Variants in B9D1 observed in about 807,000 individuals in gnomAD.
B9D1 encodes B9 domain-containing protein 1.
In B9D1, 20 loss-of-function variants were observed where a neutral mutation model predicts 26.1. The observed-to-expected ratio is 0.77, with a 90% CI of 0.54 to 1.12. The LOEUF (loss-of-function observed/expected upper bound fraction) is 1.12. Ranked by LOEUF, B9D1 falls within the 50% of genes most tolerant of loss-of-function variation. The probability of loss-of-function intolerance (pLI) is 0.00; values close to 1 mark genes in which losing one functional copy is unlikely to be tolerated. For synonymous variants in B9D1, 105 were observed against 103.1 expected (o/e 1.02, Z -0.11); for missense variants, 260 against 273.7 (o/e 0.95, Z 0.35).
intron 1 of B9D1, among the ~76,000 whole-genome samples, chr17:19,361,945 T>C (rs2152277853): frequency 6.6e-6 from 1 of 152,324 alleles, no homozygotes; most frequent in Admixed American, 6.5e-5. Context: ...TTGGGACATA[T>C]TGAGGACTTG....
chr17:19,360,319 C>G lies in B9D1; in HGVS notation c.132+1G>C. The G allele has an allele frequency of 1.9e-6, 3 of 1,613,904 alleles. No individual in the cohort carries two copies. Among genetic ancestry groups the G allele is most frequent in the Middle Eastern group, 1.6e-4 (1 of 6,062 alleles). Reference sequence around the variant, plus strand: ...AAGGGAGGCCCAAGAGTCCAGCTTACCGCTGTGGGGGCCCAGTCCTGGCCG... The same window carrying G: ...AAGGGAGGCCCAAGAGTCCAGCTTAGCGCTGTGGGGGCCCAGTCCTGGCCG... On this transcript the variant is annotated splice_donor_variant, in intron 2 of 6. Coordinates refer to ENST00000261499, the MANE Select transcript of B9D1 (RefSeq NM_015681.6). LOFTEE classifies it high-confidence loss of function.
chr17:19,349,532 T>G (rs758480247), intron 3 of B9D1, among the ~76,000 whole-genome samples: 1 of 151,850 alleles, frequency 6.6e-6, no homozygotes, highest in Non-Finnish European at 1.5e-5. Flanking sequence ...ACTATAGGCG[T>G]GTGCTGCCAT....
At chr17:19,375,363 A>T (rs1407141957) in intron 1 of B9D1, among the ~76,000 whole-genome samples, 1 of 152,216 alleles carries the variant, frequency 6.6e-6, no homozygotes, top group African/African-American at 2.4e-5. Flanking sequence ...ACAAATGGCC[A>T]ATAAACCGTG....
chr17:19,341,774 C>T (rs1223216461), downstream of B9D1, among the ~76,000 whole-genome samples: 1 of 152,174 alleles, frequency 6.6e-6, no homozygotes, highest in Non-Finnish European at 1.5e-5. Flanking sequence ...AGGGTGGAGA[C>T]CTTGCCAGGT....
At position 19,349,710 on chromosome 17, in the gene B9D1, GTA is replaced by G. The variant is rs1909334955; in HGVS notation, c.245-1832_245-1831del. Among the ~76,000 whole-genome samples, 4 of 152,088 alleles carry G rather than the reference GTA, an allele frequency of 2.6e-5. No individual in the cohort carries two copies. The South Asian group carries it at 8.3e-4, about 32-fold the overall frequency. On this transcript the variant is annotated intron_variant, in intron 3 of 6. Coordinates refer to ENST00000261499, the MANE Select transcript of B9D1 (RefSeq NM_015681.6). Reference sequence around the variant, plus strand: ...CCTTTTTCTTATTGATTTATAGTGTGTATATGTGTGTTTATCCTGTGACTTAT... The same window carrying G: ...CCTTTTTCTTATTGATTTATAGTGTGTATGTGTGTTTATCCTGTGACTTAT...
chr17:19,341,321 T>C (rs547707153), downstream of B9D1: 4 of 1,231,874 alleles, frequency 3.2e-6, no homozygotes, highest in South Asian at 1.6e-4. Context: ...CGGGGAGCTG[T>C]GATAGCTGTG....
chr17:19,356,683 A>G (rs1257308554), intron 3 of B9D1, among the ~76,000 whole-genome samples: 2 of 152,276 alleles, frequency 1.3e-5, no homozygotes, highest in South Asian at 2.1e-4. Flanking sequence ...AATCACCTCT[A>G]TTGAAATCAG....
At chr17:19,367,627 A>G (rs1481862754), upstream of B9D1, among the ~76,000 whole-genome samples, 1 of 152,070 alleles carries the variant, frequency 6.6e-6, no homozygotes, top group East Asian at 1.9e-4. Context: ...GCCATTTTTT[A>G]TGTGTATAAT....
rs923720138 is a variant in B9D1, at chr17:19,347,646, C to G, written c.341+138G>C. 3 of 857,418 alleles carry G rather than the reference C, an allele frequency of 3.5e-6. No homozygotes were observed. The highest frequency in any genetic ancestry group is 5.7e-6 in the Non-Finnish European group (3 of 525,886). The allele number at this position is 857,418 out of a possible 1,614,324, so 53.1% of individuals were successfully genotyped here. A position where few individuals can be genotyped will look rare whatever the true frequency, so the allele number is the denominator to read the frequency against. On this transcript the variant is annotated intron_variant, in intron 4 of 6. Transcript: ENST00000261499. The surrounding 1 kb of genome is among the most constrained non-coding windows in gnomAD (Gnocchi z 4.3). ...TCTCCTCCCAAATACAGGCTACAACCCCCCTGGCCACCAGGCTGAGCTGCC... is the reference window on the plus strand; with the variant it reads ...TCTCCTCCCAAATACAGGCTACAACGCCCCTGGCCACCAGGCTGAGCTGCC...
At chr17:19,358,177 C>T (rs2152274181) in intron 2 of B9D1, among the ~76,000 whole-genome samples, 1 of 152,262 alleles carries the variant, frequency 6.6e-6, no homozygotes, top group Non-Finnish European at 1.5e-5. Flanking sequence ...CTCTCCCGGG[C>T]ACAAGGGCAC....
At chr17:19,369,535 C>T (rs1407664648) in intron 1 of B9D1, among the ~76,000 whole-genome samples, 1 of 152,084 alleles carries the variant, frequency 6.6e-6, no homozygotes, top group Non-Finnish European at 1.5e-5. Context: ...ACTCGCCAGG[C>T]CCAGATCACC....
intron 3 of B9D1, among the ~76,000 whole-genome samples, chr17:19,348,690 A>C (rs1161818582): frequency 6.6e-6 from 1 of 152,194 alleles, no homozygotes; most frequent in Non-Finnish European, 1.5e-5. Context: ...TTTCTTTAAG[A>C]CTTCACTGCC....
chr17:19,369,721 A>G (rs1003069233), intron 1 of B9D1, among the ~76,000 whole-genome samples: 1 of 152,142 alleles, frequency 6.6e-6, no homozygotes, highest in Non-Finnish European at 1.5e-5. Flanking sequence ...ATACCTAACT[A>G]AAGAATTATT....
intron 5 of B9D1, chr17:19,344,577 C>T (rs1598049529): frequency 8.7e-6 from 2 of 230,316 alleles, no homozygotes; most frequent in Admixed American, 6.1e-5. Context: ...CCAGCAGCCG[C>T]GGGCTTCGCC....
intron 1 of B9D1, 83 bp from the exon 2 acceptor site, chr17:19,360,471 A>C (rs1258336806): frequency 2.4e-6 from 3 of 1,249,616 alleles, no homozygotes; most frequent in Admixed American, 3.4e-5. Flanking sequence ...GCCAAGGGGA[A>C]TTCTGAACGT....
At chr17:19,343,010 A>T, downstream of B9D1, 1 of 1,126,346 alleles carries the variant, frequency 8.9e-7, no homozygotes, top group Non-Finnish European at 1.2e-6. Flanking sequence ...CAAAGCTCCC[A>T]TCCCACATGC....
chr17:19,338,069 G>C (rs1352350717), downstream of B9D1, among the ~76,000 whole-genome samples: 1 of 152,248 alleles, frequency 6.6e-6, no homozygotes, highest in Non-Finnish European at 1.5e-5. Flanking sequence ...CAGCAAGGCA[G>C]ACACAGCCTA....
At chr17:19,352,514 ATTTTTTTTTTTT>A (rs34659490) in intron 3 of B9D1, among the ~76,000 whole-genome samples, 1 of 95,122 alleles carries the variant, frequency 1.1e-5, no homozygotes, top group Non-Finnish European at 2.0e-5. Flanking sequence ...GGCCTGGCTA[ATTTTTTTTTTTT>A]TTTTTTTTTT....
intron 1 of B9D1, among the ~76,000 whole-genome samples, chr17:19,377,153 T>G (rs561738154): frequency 5.8e-4 from 89 of 152,368 alleles, no homozygotes; most frequent in African/African-American, 2.0e-3. Flanking sequence ...TTGTAGGACC[T>G]CCTGAGGCTG....
Sources: gnomAD v4.1 joint callset for allele counts (sites outside exome capture counted in the v4.1 genomes callset) on GRCh38, gnomAD v4.1.1 for gene constraint, Gnocchi (gnomAD v3.1) non-coding constraint, MANE v1.5 for transcripts, NCBI Gene and HGNC (gene_info 2026-07-23, HGNC 2026-07-21) for gene names.